CREB5: variants seen among roughly 807,000 people sequenced by gnomAD.
CREB5 encodes the protein cAMP responsive element binding protein 5.
Under a neutral mutation model 57.1 loss-of-function variants are expected in CREB5, and 19 were observed. The ratio of observed to expected loss-of-function variants is 0.33; its 90% CI spans 0.23 to 0.49. The LOEUF is 0.49. Ranked by LOEUF, CREB5 falls within the 20% of genes least tolerant of loss-of-function variation. The pLI, the probability that CREB5 is intolerant of heterozygous loss-of-function variation, is 0.99. For missense variants in CREB5, 579 were observed against 671.6 expected (o/e 0.86, Z 1.52); for synonymous variants, 238 against 238.3 (o/e 1.00, Z 0.01).
At chr7:28,575,078 T>G (rs958187114) in intron 5 of CREB5, among the ~76,000 whole-genome samples, 3 of 152,220 alleles carry the variant, frequency 2.0e-5, no homozygotes, top group Non-Finnish European at 4.4e-5. Flanking sequence ...TCTTTATCCC[T>G]TTTCTCTTTG....
At chr7:28,377,322 T>A (rs1786852598) in intron 1 of CREB5, among the ~76,000 whole-genome samples, 1 of 152,184 alleles carries the variant, frequency 6.6e-6, no homozygotes, top group Non-Finnish European at 1.5e-5. Flanking sequence ...AAACTCAGTA[T>A]GAAAAAACTT....
chr7:28,740,411 G>A (rs2128756514), intron 7 of CREB5, among the ~76,000 whole-genome samples: 1 of 152,242 alleles, frequency 6.6e-6, no homozygotes, highest in African/African-American at 2.4e-5. Flanking sequence ...TGCAGGTGAG[G>A]TCTTGCTTAT....
chr7:28,684,362 G>A (rs1444335675), intron 5 of CREB5, among the ~76,000 whole-genome samples: 2 of 152,166 alleles, frequency 1.3e-5, no homozygotes, highest in African/African-American at 2.4e-5. Context: ...GTGTCACTCG[G>A]AGCTACTGTG....
chr7:28,383,417 G>T (rs1052729532), intron 1 of CREB5, among the ~76,000 whole-genome samples: 11 of 152,212 alleles, frequency 7.2e-5, no homozygotes, highest in African/African-American at 2.7e-4. Flanking sequence ...GCAAAGAAAA[G>T]AGGTTTAATT....
intron 1 of CREB5, among the ~76,000 whole-genome samples, chr7:28,346,835 C>CAGTGTATCTACCGCA (rs138391533): frequency 4.4e-4 from 67 of 152,064 alleles, no homozygotes; most frequent in Non-Finnish European, 7.8e-4. Flanking sequence ...ACATCCACCA[C>CAGTGTATCTACCGCA]AGCTACAACT....
intron 3 of CREB5, among the ~76,000 whole-genome samples, chr7:28,497,520 ATGTTGAGGTTGG>A (rs1379028081): frequency 6.6e-6 from 1 of 152,178 alleles, no homozygotes; most frequent in Non-Finnish European, 1.5e-5. Flanking sequence ...CTCATGGTTT[ATGTTGAGGTTGG>A]TGTTGAGGTT....
intron 1 of CREB5, among the ~76,000 whole-genome samples, chr7:28,376,006 C>T (rs751416810): frequency 6.0e-4 from 91 of 152,286 alleles, no homozygotes; most frequent in Admixed American, 1.0e-3. Context: ...ACGCAGTTGG[C>T]CTCCAGAGGC....
At chr7:28,737,054 T>G (rs1804024610) in intron 7 of CREB5, among the ~76,000 whole-genome samples, 1 of 152,010 alleles carries the variant, frequency 6.6e-6, no homozygotes, top group South Asian at 2.1e-4. Context: ...TATACCCCAG[T>G]GGAAGCTCAA....
intron 5 of CREB5, among the ~76,000 whole-genome samples, chr7:28,586,746 G>A (rs1245275449): frequency 6.6e-6 from 1 of 152,180 alleles, no homozygotes; most frequent in Non-Finnish European, 1.5e-5. Flanking sequence ...CCTTCTAAAA[G>A]TGGTTTGTAA....
At chr7:28,682,984 C>T (rs944492126) in intron 5 of CREB5, among the ~76,000 whole-genome samples, 5 of 152,162 alleles carry the variant, frequency 3.3e-5, no homozygotes, top group East Asian at 1.9e-4. Context: ...CGAACAGCTG[C>T]GCGGTACCCA....
At chr7:28,725,284 C>A (rs1019290309) in intron 7 of CREB5, among the ~76,000 whole-genome samples, 3 of 152,158 alleles carry the variant, frequency 2.0e-5, no homozygotes, top group Non-Finnish European at 4.4e-5. Context: ...TGGAGTCAGA[C>A]CCAGTGACTT....
intron 1 of CREB5, among the ~76,000 whole-genome samples, chr7:28,369,700 G>A (rs568900711): frequency 6.6e-6 from 1 of 152,300 alleles, no homozygotes; most frequent in South Asian, 2.1e-4. Flanking sequence ...ATAAAATCCT[G>A]TTCGCTTGCC....
At chr7:28,649,717 C>T (rs1799050440) in intron 5 of CREB5, among the ~76,000 whole-genome samples, 1 of 152,082 alleles carries the variant, frequency 6.6e-6, no homozygotes, top group South Asian at 2.1e-4. Flanking sequence ...CTTATTATCT[C>T]TTATATTCTG....
intron 4 of CREB5, among the ~76,000 whole-genome samples, chr7:28,551,869 T>TTTTTCTTTCTTTC (rs1343926352): frequency 2.5e-5 from 3 of 120,414 alleles, no homozygotes; most frequent in South Asian, 2.8e-4. Flanking sequence ...TCTTTCTTTC[T>TTTTTCTTTCTTTC]TTTTCTTTCT....
chr7:28,606,858 A>T (rs968651237), intron 5 of CREB5, among the ~76,000 whole-genome samples: 4 of 152,218 alleles, frequency 2.6e-5, no homozygotes, highest in African/African-American at 7.2e-5. Flanking sequence ...TTACATATTC[A>T]TAGGGTACAT....
intron 7 of CREB5, among the ~76,000 whole-genome samples, chr7:28,756,318 C>T (rs1487945770): frequency 2.0e-5 from 3 of 151,948 alleles, no homozygotes; most frequent in Non-Finnish European, 1.5e-5. Context: ...TTTGGGAGGC[C>T]GAGGCGGGCA....
chr7:28,658,967 A>ATATATATATATG (rs1562554663), intron 5 of CREB5, among the ~76,000 whole-genome samples: 1 of 140,238 alleles, frequency 7.1e-6, no homozygotes, highest in African/African-American at 2.5e-5. Context: ...ATATATATAT[A>ATATATATATATG]TATATATATA....
At chr7:28,501,599 A>T (rs1792277766) in intron 3 of CREB5, among the ~76,000 whole-genome samples, 1 of 152,184 alleles carries the variant, frequency 6.6e-6, no homozygotes, top group African/African-American at 2.4e-5. Flanking sequence ...TCAGGGACTC[A>T]GTGGAAAGTT....
At chr7:28,525,640 A>C (rs938573813) in intron 4 of CREB5, among the ~76,000 whole-genome samples, 1 of 152,182 alleles carries the variant, frequency 6.6e-6, no homozygotes, top group African/African-American at 2.4e-5. Context: ...TCTCATTGGC[A>C]TGCAGTAAGG....
Sources: allele counts gnomAD v4.1 joint callset (sites outside exome capture counted in the v4.1 genomes callset), GRCh38; gene constraint gnomAD v4.1.1; transcripts MANE v1.5; gene names NCBI Gene and HGNC (gene_info 2026-07-23, HGNC 2026-07-21).